The following SLC8A1 variants were observed in gnomAD, a reference collection of about 807,000 sequenced individuals.
SLC8A1 encodes solute carrier family 8 member A1, also known as sodium/calcium exchanger 1.
Under a neutral mutation model 68.3 loss-of-function variants are expected in SLC8A1, and 18 were observed. That is an observed-to-expected ratio of 0.26 (90% CI 0.18 to 0.39). SLC8A1 has a LOEUF of 0.39. SLC8A1 is among the 10% of genes least tolerant of loss of function. The probability of loss-of-function intolerance (pLI) is 1.00; values close to 1 mark genes in which losing one functional copy is unlikely to be tolerated. For synonymous variants in SLC8A1, 475 were observed against 415.5 expected, an observed-to-expected ratio of 1.14 and a Z score of -1.74; for missense variants, 985 against 1,156.7, an observed-to-expected ratio of 0.85 and a Z score of 2.15.
intron 1 of SLC8A1, among the ~76,000 whole-genome samples, chr2:40,447,137 T>C (rs1169659045): frequency 6.6e-6 from 1 of 152,214 alleles, no homozygotes; most frequent in Non-Finnish European, 1.5e-5. Flanking sequence ...CTAGATCTAT[T>C]ACATGTACAA....
At chr2:40,423,218 G>A (rs566696864) in intron 2 of SLC8A1, among the ~76,000 whole-genome samples, 2 of 152,060 alleles carry the variant, frequency 1.3e-5, no homozygotes, top group African/African-American at 4.8e-5. Context: ...GATTTACCAA[G>A]GTATGAGTCC....
At chr2:40,471,581 C>T (rs1703990907) in intron 1 of SLC8A1, among the ~76,000 whole-genome samples, 1 of 152,106 alleles carries the variant, frequency 6.6e-6, no homozygotes, top group African/African-American at 2.4e-5. Flanking sequence ...CTTTTGCTGC[C>T]TAAAAATAAT....
At chr2:40,121,161 T>C (rs1368311340) in intron 7 of SLC8A1, among the ~76,000 whole-genome samples, 2 of 152,150 alleles carry the variant, frequency 1.3e-5, no homozygotes, top group Non-Finnish European at 2.9e-5. Context: ...CTGTATTCTC[T>C]CTCTTGGGCA....
chr2:40,318,011 A>G (rs1190324717), intron 2 of SLC8A1, among the ~76,000 whole-genome samples: 2 of 152,072 alleles, frequency 1.3e-5, no homozygotes, highest in Admixed American at 1.3e-4. Context: ...GAAGTGTATA[A>G]CAAGAGACCA....
At chr2:40,175,341 A>T (rs1558626728) in intron 3 of SLC8A1, 60 bp from the exon 4 acceptor site, 33 of 1,543,998 alleles carry the variant, frequency 2.1e-5, no homozygotes, top group Non-Finnish European at 2.9e-5. Flanking sequence ...TAATGAAAGT[A>T]AGAGGAATAT....
chr2:40,209,390 G>C (rs889209939), intron 2 of SLC8A1, among the ~76,000 whole-genome samples: 4 of 152,134 alleles, frequency 2.6e-5, no homozygotes, highest in Non-Finnish European at 5.9e-5. Context: ...TCTATGGCTG[G>C]AGAAAAATGA....
intron 2 of SLC8A1, among the ~76,000 whole-genome samples, chr2:40,361,271 A>G (rs1196213443): frequency 1.3e-5 from 2 of 152,196 alleles, no homozygotes; most frequent in East Asian, 3.9e-4. Flanking sequence ...TTACAACCAG[A>G]CATCCAGGCA....
At chr2:40,339,465 T>C (rs1018073608) in intron 2 of SLC8A1, among the ~76,000 whole-genome samples, 14 of 152,214 alleles carry the variant, frequency 9.2e-5, no homozygotes, top group Non-Finnish European at 2.9e-5. Context: ...ACTTTACCAT[T>C]TTTATGTACA....
intron 2 of SLC8A1, among the ~76,000 whole-genome samples, chr2:40,407,318 G>A (rs1458600376): frequency 2.6e-5 from 4 of 152,096 alleles, no homozygotes; most frequent in African/African-American, 4.8e-5. Flanking sequence ...TGCCCGCCTC[G>A]GCCTCCCACA....
intron 2 of SLC8A1, among the ~76,000 whole-genome samples, chr2:40,385,472 G>A (rs1192150933): frequency 6.7e-6 from 1 of 149,242 alleles, no homozygotes; most frequent in Non-Finnish European, 1.5e-5. Context: ...CAATTGCTAC[G>A]AAAAGACAGA....
chr2:40,426,314 T>G (rs1399969498), intron 2 of SLC8A1, among the ~76,000 whole-genome samples: 1 of 151,990 alleles, frequency 6.6e-6, no homozygotes, highest in Admixed American at 6.6e-5. Flanking sequence ...AACATATATA[T>G]AGAGATGGCA....
chr2:40,347,059 C>T (rs373595395), intron 2 of SLC8A1, among the ~76,000 whole-genome samples: 2 of 152,158 alleles, frequency 1.3e-5, no homozygotes, highest in East Asian at 3.9e-4. Flanking sequence ...AGCACCAAGG[C>T]AATAGATAGC....
rs1317335960 is a variant in SLC8A1 at position 40,200,251 on chromosome 2, T to TAAAC, written c.1809-22397_1809-22396insGTTT. ...ATATATATATATAAATATATATATA[T>TAAAC]ATATATATATATATATAACCTCTTT... On this transcript the variant is annotated intron_variant, in intron 2 of 7. Transcript: ENST00000406785. 4.4e-5 allele frequency among the ~76,000 whole-genome samples: 3 copies of TAAAC among 68,510 alleles called. 1 individual carries two copies. The highest frequency in any genetic ancestry group is 2.8e-5 in the Non-Finnish European group (1 of 35,722). 44.9% of individuals were successfully genotyped at this position (68,510 alleles called of 152,430 possible).
chr2:40,230,127 A>G (rs2059471375), intron 2 of SLC8A1, among the ~76,000 whole-genome samples: 1 of 152,150 alleles, frequency 6.6e-6, no homozygotes, highest in Non-Finnish European at 1.5e-5. Context: ...GCTTTTTCTT[A>G]GGCTCCACGC....
At chr2:40,400,854 G>T (rs1328010244) in intron 2 of SLC8A1, among the ~76,000 whole-genome samples, 1 of 152,172 alleles carries the variant, frequency 6.6e-6, no homozygotes, top group East Asian at 1.9e-4. Context: ...ACTGCCCAGA[G>T]AGCCAGTTCT....
chr2:40,278,716 C>T (rs2067106101), intron 2 of SLC8A1, among the ~76,000 whole-genome samples: 1 of 152,090 alleles, frequency 6.6e-6, no homozygotes, highest in Non-Finnish European at 1.5e-5. Context: ...GGACTTAGGA[C>T]AAGATGGCAC....
rs185238014 is a variant in SLC8A1, at chr2:40,155,085, T to C, written c.2161+5680A>G. Among the ~76,000 whole-genome samples, 40 of 152,260 alleles carry C rather than the reference T, an allele frequency of 2.6e-4. 1 individual carries two copies. In the East Asian group the frequency reaches 7.5e-3, roughly 29 times the overall value. ...CCTCCTCCTTTTTTTGGTTGTCTTC[T>C]AGACACACTGAGGCTATGTCAAATC... On this transcript the variant is annotated intron_variant, in intron 6 of 7. Transcript: ENST00000406785.
At chr2:40,199,305 G>T (rs2053684466) in intron 2 of SLC8A1, among the ~76,000 whole-genome samples, 1 of 151,700 alleles carries the variant, frequency 6.6e-6, no homozygotes, top group African/African-American at 2.4e-5. Flanking sequence ...ATCAATGTTG[G>T]ATCACTGGCT....
chr2:40,337,321 T>C (rs748134567), intron 2 of SLC8A1: 3 of 353,342 alleles, frequency 8.5e-6, no homozygotes, highest in South Asian at 6.2e-5. Context: ...AACAGTGATA[T>C]TGTTTTGTAA....
Sources: allele counts gnomAD v4.1 joint callset (sites outside exome capture counted in the v4.1 genomes callset), GRCh38; gene constraint gnomAD v4.1.1; transcripts MANE v1.5; gene names NCBI Gene and HGNC (gene_info 2026-07-23, HGNC 2026-07-21).